Variants in KATNAL2 observed in about 807,000 individuals in gnomAD.
The protein encoded by KATNAL2 is katanin p60 ATPase-containing subunit A-like 2.
In KATNAL2, 52 loss-of-function variants were observed where a neutral mutation model predicts 76.3. The observed-to-expected ratio is 0.68, with a 90% CI of 0.55 to 0.86. The LOEUF (loss-of-function observed/expected upper bound fraction) is 0.86, where lower values mean the gene tolerates loss of function less well. KATNAL2 is among the 40% of genes least tolerant of loss of function. The probability of loss-of-function intolerance (pLI) is 0.00; values close to 1 mark genes in which losing one functional copy is unlikely to be tolerated. For missense variants in KATNAL2, 660 were observed against 668.9 expected (o/e 0.99, Z 0.15); for synonymous variants, 243 against 244.2 (o/e 1.00, Z 0.05).
chr18:46,960,361 T>C (rs1488754906), intron 3 of KATNAL2, among the ~76,000 whole-genome samples: 1 of 149,926 alleles, frequency 6.7e-6, no homozygotes, highest in Non-Finnish European at 1.5e-5. Context: ...CTGGGGTGGG[T>C]GGAGGTTATA....
Position 47,067,023 on chromosome 18 carries a change from C to T in KATNAL2, c.729C>T (p.Asp243=). The T allele has an allele frequency of 6.3e-7, 1 of 1,576,118 alleles. No individual in the cohort carries two copies. Among genetic ancestry groups the T allele is most frequent in the Non-Finnish European group, 8.7e-7 (1 of 1,152,028 alleles). Residue 243 remains aspartate (D), a splice_region_variant and synonymous_variant, in exon 11 of 18, where the codon GAC becomes GAT. Coordinates refer to ENST00000683218, the MANE Select transcript of KATNAL2 (RefSeq NM_001387690.1). ...AAATGATCAAATGTGCATTGCAGGA[C>T]ATTTATCTCCATAATCCAAACATAA... ...MRELAAVVSR[D]IYLHNPNIKW...
At position 47,047,790 on chromosome 18, in the gene KATNAL2, CCT is replaced by C. The variant is rs2061208079; in HGVS notation, c.122+1266_122+1267del. 2.0e-5 allele frequency among the ~76,000 whole-genome samples: 3 copies of C among 152,100 alleles called. No homozygotes were observed. In the South Asian group the frequency reaches 6.2e-4, roughly 32 times the overall value. On this transcript the variant is annotated intron_variant, in intron 4 of 17. Transcript: ENST00000683218. Reference sequence around the variant, plus strand: ...GCTGCATGATCATAGTTCACTGCAACCTCTAACTCCTGGGCTCAAGGGATCCT... The same window carrying C: ...GCTGCATGATCATAGTTCACTGCAACCTAACTCCTGGGCTCAAGGGATCCT...
In KATNAL2 at chr18:47,075,357, C is replaced by CA; in HGVS notation, c.1090dup (p.Thr364AsnfsTer8). On this transcript the variant is annotated frameshift_variant, in exon 14 of 18. Transcript: ENST00000683218. LOFTEE classifies it high-confidence loss of function. Reference sequence around the variant, plus strand: ...TGGAGTCGGTGATGAGTCAGAGAGGCACAGCTTCTGGGTAACAGACAGGGT... The same window carrying CA: ...TGGAGTCGGTGATGAGTCAGAGAGGCAACAGCTTCTGGGTAACAGACAGGGT... The CA allele has an allele frequency of 6.5e-7, 1 of 1,540,228 alleles. No individual in the cohort carries two copies. Among genetic ancestry groups the CA allele is most frequent in the Middle Eastern group, 1.7e-4 (1 of 5,846 alleles).
At chr18:47,032,865 C>T (rs889943139) in intron 3 of KATNAL2, 7 of 1,532,618 alleles carry the variant, frequency 4.6e-6, no homozygotes, top group African/African-American at 1.4e-5. Context: ...CAGCACATGA[C>T]ACCTGCAGAA....
chr18:47,036,808 T>C (rs1445561826), intron 3 of KATNAL2, among the ~76,000 whole-genome samples: 3 of 152,270 alleles, frequency 2.0e-5, no homozygotes, highest in Non-Finnish European at 4.4e-5. Flanking sequence ...TGACCAATTC[T>C]GACATTGTAT....
chr18:47,066,745 AT>A (rs2061805052), intron 10 of KATNAL2, among the ~76,000 whole-genome samples: 1 of 150,764 alleles, frequency 6.6e-6, no homozygotes, highest in African/African-American at 2.4e-5. Flanking sequence ...TCTCTGAAAA[AT>A]ACCACAATGT....
At position 47,100,958 on chromosome 18, in the gene KATNAL2, C is replaced by A. The variant is rs769988895; in HGVS notation, c.1570C>A (p.Leu524Met). ...TCACACCAAGCCCTCCGCAAAGAAT[C>A]TGGCTCAGAGATACTCAGACTGGCA... ...LTHTKPSAKN[L>M]AQRYSDWQRE... The change falls in exon 18 of 18, where the codon CTG becomes ATG. Residue 524 changes from leucine (L) to methionine (M), a missense_variant. Transcript: ENST00000683218. 6.2e-7 allele frequency: 1 copy of A among 1,614,154 alleles called. No homozygotes were observed. Among genetic ancestry groups the A allele is most frequent in the Non-Finnish European group, 8.5e-7 (1 of 1,180,014 alleles).
At chr18:47,057,088 G>A (rs57153435) in intron 6 of KATNAL2, among the ~76,000 whole-genome samples, 1 of 152,308 alleles carries the variant, frequency 6.6e-6, no homozygotes, top group East Asian at 1.9e-4. Context: ...GTGGACATTG[G>A]TGGTGTTATC....
At chr18:46,949,584 A>G (rs1471008006) in intron 3 of KATNAL2, among the ~76,000 whole-genome samples, 2 of 152,138 alleles carry the variant, frequency 1.3e-5, no homozygotes, top group Non-Finnish European at 2.9e-5. Context: ...TAAAACCTGT[A>G]CCTTTCCCAG....
intron 15 of KATNAL2, among the ~76,000 whole-genome samples, chr18:47,086,532 G>T (rs2062781312): frequency 6.6e-6 from 1 of 152,174 alleles, no homozygotes; most frequent in African/African-American, 2.4e-5. Context: ...GGCCAGGCTG[G>T]TCTTGAACTC....
intron 5 of KATNAL2, among the ~76,000 whole-genome samples, chr18:47,053,808 C>T (rs2147101503): frequency 6.6e-6 from 1 of 152,302 alleles, no homozygotes; most frequent in Admixed American, 6.5e-5. Flanking sequence ...CCTTCCAATG[C>T]AGCATTCAGA....
At chr18:47,044,164 C>A (rs1369046118) in intron 3 of KATNAL2, among the ~76,000 whole-genome samples, 1 of 151,870 alleles carries the variant, frequency 6.6e-6, no homozygotes, top group Non-Finnish European at 1.5e-5. Context: ...TTCCCTTGGG[C>A]CACACATAAA....
chr18:47,069,082 A>G lies in KATNAL2; in HGVS notation c.826-138A>G, dbSNP rs972317465. ...ATCTGTTTATTTCGGTCAGAAGCAGACAACCTTAAGCAAAAAAGGGAGCCC... is the reference window on the plus strand; with the variant it reads ...ATCTGTTTATTTCGGTCAGAAGCAGGCAACCTTAAGCAAAAAAGGGAGCCC... On this transcript the variant is annotated intron_variant, in intron 11 of 17. Transcript: ENST00000683218. 5 of 610,538 alleles carry G rather than the reference A, an allele frequency of 8.2e-6. No homozygotes were observed. The African/African-American group carries it at 9.6e-5, about 12-fold the overall frequency. 37.8% of individuals were successfully genotyped at this position (610,538 alleles called of 1,614,324 possible).
At chr18:47,066,627 T>C (rs914129715) in intron 10 of KATNAL2, among the ~76,000 whole-genome samples, 3 of 151,946 alleles carry the variant, frequency 2.0e-5, no homozygotes, top group Admixed American at 6.6e-5. Flanking sequence ...TAAAACCTAA[T>C]GTAAGTTGAA....
chr18:47,078,186 C>G (rs1452930008), intron 15 of KATNAL2, among the ~76,000 whole-genome samples: 3 of 152,154 alleles, frequency 2.0e-5, no homozygotes, highest in African/African-American at 4.8e-5. Flanking sequence ...GGTCAATCCA[C>G]CAACATCAAC....
At chr18:47,079,762 G>C (rs1443530647) in intron 15 of KATNAL2, among the ~76,000 whole-genome samples, 1 of 152,160 alleles carries the variant, frequency 6.6e-6, no homozygotes, top group Admixed American at 6.5e-5. Flanking sequence ...CCTCATGGTA[G>C]TAGGGTTGTT....
intron 4 of KATNAL2, among the ~76,000 whole-genome samples, chr18:47,049,873 CTGTT>C (rs1212251335): frequency 6.6e-6 from 1 of 152,136 alleles, no homozygotes; most frequent in Non-Finnish European, 1.5e-5. Context: ...TGCCACGACA[CTGTT>C]TGTTTATTTA....
At chr18:47,035,904 G>A (rs946061071) in intron 3 of KATNAL2, among the ~76,000 whole-genome samples, 2 of 152,180 alleles carry the variant, frequency 1.3e-5, no homozygotes, top group African/African-American at 4.8e-5. Context: ...ACAACTCTTT[G>A]CCTAGGACTG....
At chr18:46,927,571 G>A (rs1368234330) in intron 1 of KATNAL2, among the ~76,000 whole-genome samples, 1 of 152,072 alleles carries the variant, frequency 6.6e-6, no homozygotes, top group African/African-American at 2.4e-5. Flanking sequence ...TCTTGGAATT[G>A]CTCTTCTCGA....
Sources: gnomAD v4.1 joint callset for allele counts (sites outside exome capture counted in the v4.1 genomes callset) on GRCh38, gnomAD v4.1.1 for gene constraint, MANE v1.5 for transcripts, NCBI Gene and HGNC (gene_info 2026-07-23, HGNC 2026-07-21) for gene names.